Variants in CBLN2 observed in about 807,000 individuals in gnomAD.
CBLN2 encodes cerebellin-2.
A neutral mutation model predicts 15.0 loss-of-function variants in CBLN2; 7 were observed. The ratio of observed to expected loss-of-function variants is 0.47; its 90% CI spans 0.27 to 0.88. CBLN2 has a LOEUF of 0.88. Ranked by LOEUF, CBLN2 falls within the 40% of genes least tolerant of loss-of-function variation. CBLN2 has a pLI of 0.14. For synonymous variants in CBLN2, 149 were observed against 135.2 expected (o/e 1.10, Z -0.71); for missense variants, 242 against 304.5 (o/e 0.79, Z 1.53).
At chr18:72,549,213 T>C (rs1300434520), upstream of CBLN2, among the ~76,000 whole-genome samples, 2 of 152,056 alleles carry the variant, frequency 1.3e-5, no homozygotes, top group African/African-American at 4.8e-5. Context: ...GGTTTCACCA[T>C]GTTGGCCAGG....
At position 72,622,577 on chromosome 18, in the gene CBLN2, C is replaced by T. The variant is rs927740387; in HGVS notation, c.15+15748G>A. Among the ~76,000 whole-genome samples the T allele has an allele frequency of 2.6e-5, 4 of 152,032 alleles. No homozygotes were observed. In the East Asian group the frequency reaches 5.8e-4, roughly 22 times the overall value. On this transcript the variant is annotated intron_variant, in intron 1 of 2. Coordinates refer to the CBLN2 transcript ENST00000581073. ...TGTTGCCTTAGATTCCCAGGCTTCCCGAATATCTGATCTGAGATCCCTTAT... is the reference window on the plus strand; with the variant it reads ...TGTTGCCTTAGATTCCCAGGCTTCCTGAATATCTGATCTGAGATCCCTTAT...
chr18:72,552,356 T>C (rs1047369735), intron 1 of CBLN2, among the ~76,000 whole-genome samples: 3 of 152,128 alleles, frequency 2.0e-5, no homozygotes, highest in Admixed American at 6.6e-5. Context: ...AATGCCAGGA[T>C]TACAGGCATA....
At chr18:72,604,674 G>C (rs79610320) in intron 1 of CBLN2, among the ~76,000 whole-genome samples, 1 of 152,206 alleles carries the variant, frequency 6.6e-6, no homozygotes, top group East Asian at 1.9e-4. Context: ...ATGGATTAAC[G>C]AGTTACCAAA....
At chr18:72,570,653 G>A (rs1330157818) in intron 1 of CBLN2, among the ~76,000 whole-genome samples, 1 of 151,942 alleles carries the variant, frequency 6.6e-6, no homozygotes, top group East Asian at 1.9e-4. Context: ...AGACTAGATA[G>A]CACATCAACA....
At chr18:72,591,131 G>A (rs150085288) in intron 1 of CBLN2, among the ~76,000 whole-genome samples, 1 of 151,948 alleles carries the variant, frequency 6.6e-6, no homozygotes, top group Non-Finnish European at 1.5e-5. Context: ...GAGGAAAAAG[G>A]GATTAAAATC....
intron 1 of CBLN2, among the ~76,000 whole-genome samples, chr18:72,560,301 T>C (rs372553011): frequency 2.4e-4 from 37 of 152,330 alleles, no homozygotes; most frequent in African/African-American, 7.9e-4. Context: ...CTTCTGTGTT[T>C]AATAAGGTGC....
chr18:72,560,296 G>A (rs1172844201), intron 1 of CBLN2, among the ~76,000 whole-genome samples: 1 of 152,178 alleles, frequency 6.6e-6, no homozygotes, highest in Non-Finnish European at 1.5e-5. Flanking sequence ...TAATTCTTCT[G>A]TGTTTAATAA....
intron 1 of CBLN2, among the ~76,000 whole-genome samples, chr18:72,577,931 G>A (rs186695721): frequency 2.6e-5 from 4 of 152,100 alleles, no homozygotes; most frequent in Non-Finnish European, 4.4e-5. Flanking sequence ...TCTGATCATC[G>A]ATGAATAATG....
chr18:72,608,524 C>T (rs1343901860), intron 1 of CBLN2, among the ~76,000 whole-genome samples: 1 of 152,176 alleles, frequency 6.6e-6, no homozygotes, highest in Non-Finnish European at 1.5e-5. Flanking sequence ...ATGGATTTCA[C>T]ATTTTTCTAA....
chr18:72,601,423 CACA>C (rs199833315), intron 1 of CBLN2, among the ~76,000 whole-genome samples: 10,264 of 152,126 alleles, frequency 0.067, 368 homozygotes, highest in East Asian at 0.13. Context: ...TGCCATGTGC[CACA>C]ATTCCATAAA....
At chr18:72,553,277 G>C (rs960286135) in intron 1 of CBLN2, among the ~76,000 whole-genome samples, 2 of 152,122 alleles carry the variant, frequency 1.3e-5, no homozygotes, top group South Asian at 2.1e-4. Context: ...GAAATACAAC[G>C]ACAAGTGCAC....
At chr18:72,565,280 A>T (rs1017834171) in intron 1 of CBLN2, among the ~76,000 whole-genome samples, 1 of 152,174 alleles carries the variant, frequency 6.6e-6, no homozygotes, top group African/African-American at 2.4e-5. Flanking sequence ...TTACCATTAC[A>T]TTATGGTAGT....
chr18:72,539,181 GAACAAACA>G (rs565067730), intron 3 of CBLN2: 6 of 162,808 alleles, frequency 3.7e-5, no homozygotes, highest in East Asian at 1.9e-4. Context: ...ACAAAAAAAC[GAACAAACA>G]AACAAACAAA....
chr18:72,541,765 C>A (rs1209313671), intron 3 of CBLN2, 39 bp downstream of exon 3: 1 of 1,490,158 alleles, frequency 6.7e-7, no homozygotes, highest in Non-Finnish European at 8.9e-7. Context: ...CCGCCCCTCT[C>A]CCCGGGCTGG....
At chr18:72,546,093 C>A (rs532405718), upstream of CBLN2, among the ~76,000 whole-genome samples, 2 of 152,244 alleles carry the variant, frequency 1.3e-5, no homozygotes, top group East Asian at 3.9e-4. Flanking sequence ...AGCAAATTGA[C>A]AGAGAAGCAG....
chr18:72,606,285 T>C (rs2069583018), intron 1 of CBLN2, among the ~76,000 whole-genome samples: 1 of 152,224 alleles, frequency 6.6e-6, no homozygotes, highest in Admixed American at 6.5e-5. Flanking sequence ...CCAAAGCCAC[T>C]GTTATTACTA....
intron 1 of CBLN2, among the ~76,000 whole-genome samples, chr18:72,608,099 C>A (rs1276985672): frequency 6.6e-6 from 1 of 152,024 alleles, no homozygotes; most frequent in Non-Finnish European, 1.5e-5. Flanking sequence ...GCAAAAATAT[C>A]TTAGAATTAT....
intron 1 of CBLN2, among the ~76,000 whole-genome samples, chr18:72,562,573 A>G (rs886437702): frequency 6.6e-6 from 1 of 152,148 alleles, no homozygotes; most frequent in Non-Finnish European, 1.5e-5. Flanking sequence ...AGTCTCCTTG[A>G]CTAGCTTTGG....
chr18:72,541,627 G>C (rs1236419947), intron 3 of CBLN2, among the ~76,000 whole-genome samples, 177 bp downstream of exon 3: 1 of 152,230 alleles, frequency 6.6e-6, no homozygotes, highest in Non-Finnish European at 1.5e-5. Context: ...CCAAAATGTG[G>C]AAAAGGGAAA....
Sources: allele counts gnomAD v4.1 joint callset (sites outside exome capture counted in the v4.1 genomes callset), GRCh38; gene constraint gnomAD v4.1.1; transcripts MANE v1.5; gene names NCBI Gene and HGNC (gene_info 2026-07-23, HGNC 2026-07-21).